ACBD6: variants seen among roughly 807,000 people sequenced by gnomAD.
ACBD6 encodes the protein acyl-CoA binding domain containing 6.
Under a neutral mutation model 37.2 loss-of-function variants are expected in ACBD6, and 28 were observed. The observed-to-expected ratio is 0.75, with a 90% CI of 0.56 to 1.03. The LOEUF is 1.03. Among genes scored for constraint, ACBD6 ranks in the 50% least tolerant of loss-of-function variants. The probability of loss-of-function intolerance (pLI) is 0.00; values close to 1 mark genes in which losing one functional copy is unlikely to be tolerated. For missense variants in ACBD6, 340 were observed against 337.4 expected, an observed-to-expected ratio of 1.01 and a Z score of -0.06; for synonymous variants, 113 against 126.8, an observed-to-expected ratio of 0.89 and a Z score of 0.73.
intron 5 of ACBD6, among the ~76,000 whole-genome samples, chr1:180,404,780 A>G (rs1647542169): frequency 6.6e-6 from 1 of 152,208 alleles, no homozygotes; most frequent in South Asian, 2.1e-4. Flanking sequence ...ATTTAATGAC[A>G]GAGAACTGTA....
At chr1:180,362,819 T>C (rs1652898550) in intron 6 of ACBD6, among the ~76,000 whole-genome samples, 1 of 152,156 alleles carries the variant, frequency 6.6e-6, no homozygotes, top group Admixed American at 6.5e-5. Context: ...TGGAAGGAAG[T>C]ATATTTAGAA....
intron 7 of ACBD6, among the ~76,000 whole-genome samples, chr1:180,296,937 T>C (rs1035590293): frequency 3.3e-5 from 5 of 152,096 alleles, no homozygotes; most frequent in South Asian, 2.1e-4. Flanking sequence ...CCATCCTGGC[T>C]AACACGGTGA....
intron 1 of ACBD6, among the ~76,000 whole-genome samples, chr1:180,495,785 G>A (rs979196098): frequency 3.3e-5 from 5 of 152,102 alleles, no homozygotes; most frequent in African/African-American, 7.2e-5. Context: ...TGTGATAAAC[G>A]GTTGCACTTC....
At chr1:180,493,548 T>C (rs12093073) in intron 2 of ACBD6, among the ~76,000 whole-genome samples, 16,823 of 152,160 alleles carry the variant, frequency 0.11, 1,354 homozygotes, top group African/African-American at 0.22. Flanking sequence ...ATGAATATAA[T>C]ATCTTTCTGA....
intron 5 of ACBD6, among the ~76,000 whole-genome samples, chr1:180,398,905 T>C (rs560930185): frequency 6.6e-6 from 1 of 152,314 alleles, no homozygotes; most frequent in South Asian, 2.1e-4. Flanking sequence ...AGGGCAAGGA[T>C]TGATTTAAAG....
chr1:180,453,652 T>C (rs1571531890), intron 3 of ACBD6, among the ~76,000 whole-genome samples: 1 of 152,264 alleles, frequency 6.6e-6, no homozygotes, highest in African/African-American at 2.4e-5. Flanking sequence ...AAAACCCCAT[T>C]GTCATAGCCC....
At chr1:180,499,149 CCAA>C in intron 1 of ACBD6, among the ~76,000 whole-genome samples, 1 of 152,280 alleles carries the variant, frequency 6.6e-6, no homozygotes, top group South Asian at 2.1e-4. Context: ...TATCTTCCTG[CCAA>C]CAACCTCATC....
intron 4 of ACBD6, among the ~76,000 whole-genome samples, chr1:180,414,483 T>C (rs1011921729): frequency 2.0e-5 from 3 of 152,246 alleles, no homozygotes; most frequent in Admixed American, 2.0e-4. Flanking sequence ...CTAATTTTCT[T>C]AAAAGACACT....
At position 180,430,228 on chromosome 1, in the gene ACBD6, C is replaced by A; in HGVS notation, c.419G>T (p.Gly140Val). Residue 140 changes from glycine (G) to valine (V), a missense_variant, in exon 4 of 8, where the codon GGT becomes GTT. Coordinates refer to ENST00000367595, the MANE Select transcript of ACBD6 (RefSeq NM_032360.4). ...AGAACTAATAACTGGCCCACCAAAACCTGTATTTGCTTCTTTTCCTTTCTT... is the reference window on the plus strand; with the variant it reads ...AGAACTAATAACTGGCCCACCAAAAACTGTATTTGCTTCTTTTCCTTTCTT... ...PEKKGKEANT[G>V]FGGPVISSLY... The A allele has an allele frequency of 6.2e-7, 1 of 1,613,308 alleles. No homozygotes were observed. The highest frequency in any genetic ancestry group is 8.5e-7 in the Non-Finnish European group (1 of 1,179,728).
At chr1:180,413,752 T>G (rs1647960876) in intron 4 of ACBD6, among the ~76,000 whole-genome samples, 1 of 152,088 alleles carries the variant, frequency 6.6e-6, no homozygotes, top group Non-Finnish European at 1.5e-5. Context: ...AGAAAATCAA[T>G]TAGACAAAAA....
intron 7 of ACBD6, among the ~76,000 whole-genome samples, chr1:180,295,717 TG>T (rs1207266290): frequency 6.6e-6 from 1 of 152,182 alleles, no homozygotes; most frequent in Non-Finnish European, 1.5e-5. Context: ...TGTAATTTTT[TG>T]GGGGTGCCAT....
rs546285754 is a variant in ACBD6, at chr1:180,308,517, C to T, written c.694+6175G>A. On this transcript the variant is annotated intron_variant, in intron 7 of 7. Coordinates refer to ENST00000367595, the MANE Select transcript of ACBD6 (RefSeq NM_032360.4). ...AATAATCAGAATATAAATGTGAACC[C>T]GAAACTTATAGGGCTTTTGTTTCCA... Among the ~76,000 whole-genome samples, 10 of 152,192 alleles carry T rather than the reference C, an allele frequency of 6.6e-5. No individual in the cohort carries two copies. In the South Asian group the frequency reaches 8.3e-4, roughly 13 times the overall value.
chr1:180,314,321 T>G (rs1340705844), intron 7 of ACBD6, among the ~76,000 whole-genome samples: 1 of 152,214 alleles, frequency 6.6e-6, no homozygotes, highest in Non-Finnish European at 1.5e-5. Context: ...CTCGGTTCAC[T>G]GCAACCTCCA....
intron 6 of ACBD6, among the ~76,000 whole-genome samples, chr1:180,345,835 T>G (rs1652159482): frequency 6.6e-6 from 1 of 152,218 alleles, no homozygotes; most frequent in Non-Finnish European, 1.5e-5. Flanking sequence ...AGTATGTCTA[T>G]ATGTTTTTTT....
At chr1:180,307,767 C>A (rs571668439) in intron 7 of ACBD6, among the ~76,000 whole-genome samples, 3 of 152,276 alleles carry the variant, frequency 2.0e-5, no homozygotes, top group African/African-American at 7.2e-5. Flanking sequence ...CCAGCCTGGT[C>A]AACACGGTAA....
At chr1:180,467,534 C>T (rs1404494667) in intron 3 of ACBD6, among the ~76,000 whole-genome samples, 1 of 151,534 alleles carries the variant, frequency 6.6e-6, no homozygotes, top group African/African-American at 2.4e-5. Flanking sequence ...CTGGTAGTCC[C>T]TAGCTACTCA....
chr1:180,451,935 A>T (rs927583602), intron 3 of ACBD6, among the ~76,000 whole-genome samples: 1 of 152,200 alleles, frequency 6.6e-6, no homozygotes, highest in African/African-American at 2.4e-5. Flanking sequence ...AACTACATTT[A>T]AAAAAACTAG....
rs546838833 is a variant in ACBD6, at chr1:180,359,719, C to T, written c.663+37797G>A. On this transcript the variant is annotated intron_variant, in intron 6 of 7. Transcript: ENST00000367595. ...GGGTCCTAAGCCTCTTTTATTCTTG[C>T]TTTGCTGTTATGACTTTTAGATAAG... 2.9e-4 allele frequency among the ~76,000 whole-genome samples: 39 copies of T among 134,478 alleles called. 1 individual carries two copies. Among genetic ancestry groups the T allele is most frequent in the African/African-American group, 9.7e-4 (35 of 35,918 alleles). The allele number at this position is 134,478 out of a possible 152,430, so 88.2% of individuals were successfully genotyped here.
downstream of ACBD6, among the ~76,000 whole-genome samples, chr1:180,283,826 TG>T: frequency 6.6e-6 from 1 of 152,254 alleles, no homozygotes; most frequent in East Asian, 1.9e-4. Context: ...AGCGCTTACA[TG>T]TCAAAGGAAA....
Sources: gnomAD v4.1 joint callset for allele counts (sites outside exome capture counted in the v4.1 genomes callset) on GRCh38, gnomAD v4.1.1 for gene constraint, MANE v1.5 for transcripts, NCBI Gene and HGNC (gene_info 2026-07-23, HGNC 2026-07-21) for gene names.